SERPINE3: variants seen among roughly 807,000 people sequenced by gnomAD.
SERPINE3 encodes serpin family E member 3, also known as serpin E3.
In SERPINE3, 43 loss-of-function variants were observed where a neutral mutation model predicts 41.7. The ratio of observed to expected loss-of-function variants is 1.03; its 90% CI spans 0.81 to 1.33. The LOEUF is 1.33. Ranked by LOEUF, SERPINE3 falls within the 40% of genes most tolerant of loss-of-function variation. SERPINE3 has a pLI of 0.00. For synonymous variants in SERPINE3, 200 were observed against 192.2 expected (o/e 1.04, Z -0.34); for missense variants, 440 against 491.7 (o/e 0.89, Z 0.99).
intron 8 of SERPINE3, 183 bp downstream of exon 8, chr13:51,361,547 A>T (rs1955575255): frequency 6.8e-6 from 4 of 591,848 alleles, no homozygotes; most frequent in Middle Eastern, 4.0e-4. Context: ...GGAAGAAGAG[A>T]TATCCATCCC....
intron 6 of SERPINE3, among the ~76,000 whole-genome samples, chr13:51,351,006 A>G (rs1955397517): frequency 6.6e-6 from 1 of 152,162 alleles, no homozygotes; most frequent in Non-Finnish European, 1.5e-5. Flanking sequence ...ATAATATTCC[A>G]TTGTATTGAT....
intron 3 of SERPINE3, among the ~76,000 whole-genome samples, chr13:51,342,037 G>T (rs1955297054): frequency 6.6e-6 from 1 of 152,130 alleles, no homozygotes; most frequent in African/African-American, 2.4e-5. Context: ...TGCCAGGTCA[G>T]CTTCCCCTCT....
At chr13:51,361,223 T>G in intron 7 of SERPINE3, 55 bp from the exon 8 acceptor site, 1 of 1,120,094 alleles carries the variant, frequency 8.9e-7, no homozygotes, top group Non-Finnish European at 1.3e-6. Flanking sequence ...GTGTTCTAAA[T>G]GTGTTAGAAA....
At chr13:51,357,852 ACT>A (rs1350939026) in intron 7 of SERPINE3, among the ~76,000 whole-genome samples, 2 of 151,846 alleles carry the variant, frequency 1.3e-5, no homozygotes, top group African/African-American at 4.8e-5. Flanking sequence ...CAAACTTGAA[ACT>A]CTGAAGAAAC....
At position 51,343,077 on chromosome 13, in the gene SERPINE3, G is replaced by A. The variant is rs78006465; in HGVS notation, c.257-1175G>A. Among the ~76,000 whole-genome samples the A allele has an allele frequency of 3.2e-3, 492 of 152,296 alleles. 1 individual carries two copies. The highest frequency in any genetic ancestry group is 0.011 in the African/African-American group (470 of 41,554). ...GTTCCCGTGCCTCCAGAGAACATTAGCCAGGAAACTCAGGGGTCTGCTGCT... is the reference window on the plus strand; with the variant it reads ...GTTCCCGTGCCTCCAGAGAACATTAACCAGGAAACTCAGGGGTCTGCTGCT... On this transcript the variant is annotated intron_variant, in intron 3 of 9. Coordinates refer to ENST00000681248, the MANE Select transcript of SERPINE3 (RefSeq NM_001386375.1).
chr13:51,344,528 C>A, intron 4 of SERPINE3, 43 bp downstream of exon 4: 1 of 1,458,516 alleles, frequency 6.9e-7, no homozygotes, highest in Non-Finnish European at 9.4e-7. Flanking sequence ...AGGCAGAGGG[C>A]TGCAGAGACA....
chr13:51,344,607 C>A, intron 4 of SERPINE3, 122 bp downstream of exon 4: 1 of 748,622 alleles, frequency 1.3e-6, no homozygotes, highest in Non-Finnish European at 2.3e-6. Flanking sequence ...GAAGTCTGTC[C>A]TCTTAGGAGA....
intron 2 of SERPINE3, 103 bp downstream of exon 2, chr13:51,340,964 C>G (rs1467967953): frequency 9.5e-7 from 1 of 1,056,434 alleles, no homozygotes; most frequent in African/African-American, 1.6e-5. Context: ...TCTCCCTCAG[C>G]CGTCCCTAGC....
intron 3 of SERPINE3, among the ~76,000 whole-genome samples, chr13:51,342,687 T>C (rs1028332679): frequency 6.6e-6 from 1 of 152,130 alleles, no homozygotes; most frequent in African/African-American, 2.4e-5. Flanking sequence ...GGTGGAAAGA[T>C]GGAGAGGAGA....
At chr13:51,345,089 TGTTTA>T (rs1376402168) in intron 4 of SERPINE3, among the ~76,000 whole-genome samples, 4 of 152,072 alleles carry the variant, frequency 2.6e-5, no homozygotes, top group African/African-American at 9.7e-5. Flanking sequence ...GTTTACTGAG[TGTTTA>T]GTTTATTTAG....
chr13:51,341,125 C>T lies in SERPINE3; in HGVS notation c.34C>T (p.His12Tyr), dbSNP rs1265546866. The change falls in exon 3 of 10, where the codon CAC becomes TAC. Residue 12 changes from histidine to tyrosine, a missense_variant. Coordinates refer to ENST00000681248, the MANE Select transcript of SERPINE3 (RefSeq NM_001386375.1). ...PPFLITLFLF[H>Y]SCCLRANGHL... ...TTTCCTGATCACCCTCTTCCTCTTT[C>T]ACTCTTGCTGCCTCCGAGCAAATGG... is the stretch of plus-strand genomic sequence containing the variant. The T allele has an allele frequency of 6.2e-7, 1 of 1,614,024 alleles. No individual in the cohort carries two copies. Among genetic ancestry groups the T allele is most frequent in the East Asian group, 2.2e-5 (1 of 44,886 alleles).
chr13:51,364,135 T>G, intron 9 of SERPINE3, 104 bp from the exon 10 acceptor site: 1 of 511,552 alleles, frequency 2.0e-6, no homozygotes. Context: ...ATCTATTAAA[T>G]GTTATCTTGC....
At position 51,364,624 on chromosome 13, in the gene SERPINE3, G is replaced by A. The variant is rs768149296; in HGVS notation, c.*342G>A. The stretch of plus-strand genomic sequence containing the variant: ...GAATTGAGGGTGGAGAATGAATAGC[G>A]TGGTTTTCCTTATCCTGTGAAACTC... On this transcript the variant is annotated 3_prime_UTR_variant, in exon 10 of 10. Coordinates refer to ENST00000681248, the MANE Select transcript of SERPINE3 (RefSeq NM_001386375.1). 5.8e-5 allele frequency: 11 copies of A among 189,776 alleles called. No individual in the cohort carries two copies. The highest frequency in any genetic ancestry group is 1.2e-4 in the East Asian group (1 of 8,064). 11.8% of individuals were successfully genotyped at this position (189,776 alleles called of 1,614,324 possible).
intron 7 of SERPINE3, among the ~76,000 whole-genome samples, chr13:51,356,289 C>T (rs1314014453): frequency 1.3e-5 from 2 of 151,966 alleles, no homozygotes; most frequent in Admixed American, 6.6e-5. Context: ...CAAACAGAAA[C>T]TTTCCTTACT....
intron 1 of SERPINE3, 150 bp from the exon 2 acceptor site, chr13:51,340,634 A>G (rs1955279999): frequency 6.1e-6 from 1 of 165,220 alleles, no homozygotes; most frequent in African/African-American, 2.4e-5. Context: ...GCAAATGTAC[A>G]AAGTCCTTTT....
chr13:51,364,542 G>A lies in SERPINE3; in HGVS notation c.*260G>A, dbSNP rs1054965033. On this transcript the variant is annotated 3_prime_UTR_variant, in exon 10 of 10. Coordinates refer to ENST00000681248, the MANE Select transcript of SERPINE3 (RefSeq NM_001386375.1). ...AAAAGGCACAGCAGTGATCATGAAT[G>A]GTGAGTGAGTCAGGCCATAAGATTG... 4 of 344,482 alleles carry A rather than the reference G, an allele frequency of 1.2e-5. No individual in the cohort carries two copies. Among genetic ancestry groups the A allele is most frequent in the Admixed American group, 4.7e-5 (1 of 21,280 alleles). 21.3% of individuals were successfully genotyped at this position (344,482 alleles called of 1,614,324 possible).
intron 8 of SERPINE3, 27 bp downstream of exon 8, chr13:51,361,391 C>T (rs773605495): frequency 7.2e-7 from 1 of 1,380,902 alleles, no homozygotes; most frequent in Non-Finnish European, 1.0e-6. Context: ...CCCAGTCACA[C>T]TGCTTACCCA....
At chr13:51,348,483 G>A in intron 6 of SERPINE3, 72 bp downstream of exon 6, 2 of 1,320,526 alleles carry the variant, frequency 1.5e-6, no homozygotes, top group East Asian at 2.3e-5. Flanking sequence ...GCACACAGGT[G>A]GTCTGCCTCC....
chr13:51,344,266 G>T lies in SERPINE3; in HGVS notation c.271G>T (p.Asp91Tyr), dbSNP rs548500218. 36 of 1,613,846 alleles carry T rather than the reference G, an allele frequency of 2.2e-5. No individual in the cohort carries two copies. The South Asian group carries it at 3.3e-4, about 15-fold the overall frequency. ...GYTVHDKRVK[D>Y]FLHAVYATLP... Reference sequence around the variant, plus strand: ...GTTTTTCACAGACAAAAGGGTGAAAGATTTCTTGCATGCTGTTTATGCCAC... The same window carrying T: ...GTTTTTCACAGACAAAAGGGTGAAATATTTCTTGCATGCTGTTTATGCCAC... The change falls in exon 4 of 10, where the codon GAT becomes TAT. Residue 91 changes from aspartate to tyrosine, a missense_variant. Coordinates refer to ENST00000681248, the MANE Select transcript of SERPINE3 (RefSeq NM_001386375.1).
Sources: allele counts gnomAD v4.1 joint callset (sites outside exome capture counted in the v4.1 genomes callset), GRCh38; gene constraint gnomAD v4.1.1; transcripts MANE v1.5; gene names NCBI Gene and HGNC (gene_info 2026-07-23, HGNC 2026-07-21).